ERG: variants seen among roughly 807,000 people sequenced by gnomAD.
ERG encodes the protein ETS transcription factor ERG.
A neutral mutation model predicts 55.3 loss-of-function variants in ERG; 9 were observed. The ratio of observed to expected loss-of-function variants is 0.16; its 90% confidence interval spans 0.10 to 0.28. ERG has a LOEUF of 0.28. ERG is among the 10% of genes least tolerant of loss of function. ERG has a pLI of 1.00. For synonymous variants in ERG, 223 were observed against 237.3 expected, an observed-to-expected ratio of 0.94 and a Z score of 0.55; for missense variants, 434 against 631.6, an observed-to-expected ratio of 0.69 and a Z score of 3.35.
rs1315662909 is a variant in ERG at position 38,503,786 on chromosome 21, G to A, written c.-41+71876C>T. 2.0e-5 allele frequency among the ~76,000 whole-genome samples: 3 copies of A among 152,152 alleles called. No homozygotes were observed. The East Asian group carries it at 5.8e-4, about 29-fold the overall frequency. On this transcript the variant is annotated intron_variant, in intron 2 of 8. Coordinates refer to the ERG transcript ENST00000398897. ...GCCTGAGATTGTAGATAAGAATCAA[G>A]CATCTGGGGCTGCCGCACAATGGAA...
chr21:38,621,851 G>A (rs1391186829), intron 1 of ERG, among the ~76,000 whole-genome samples: 1 of 152,180 alleles, frequency 6.6e-6, no homozygotes, highest in Non-Finnish European at 1.5e-5. Context: ...GCTCCCCTGA[G>A]TCCCCACTCA....
chr21:38,573,524 G>T lies in ERG; in HGVS notation c.-41+2138C>A, dbSNP rs372925871. 2.8e-4 allele frequency among the ~76,000 whole-genome samples: 43 copies of T among 152,356 alleles called. No individual in the cohort carries two copies. The South Asian group carries it at 8.9e-3, about 32-fold the overall frequency. ...TTGTTATTCTTTACTCCGCTGAGAT[G>T]TTTGGGTGGAGAGAAACATACATCT... On this transcript the variant is annotated intron_variant, in intron 2 of 8. Coordinates refer to the ERG transcript ENST00000398897.
At chr21:38,579,844 G>A (rs538803197) in intron 1 of ERG, among the ~76,000 whole-genome samples, 12 of 147,024 alleles carry the variant, frequency 8.2e-5, no homozygotes, top group Non-Finnish European at 1.5e-4. Flanking sequence ...TTTTTGAGAC[G>A]GAGTCTCTCT....
At chr21:38,384,706 T>C (rs1361274552) in intron 9 of ERG, among the ~76,000 whole-genome samples, 1 of 152,078 alleles carries the variant, frequency 6.6e-6, no homozygotes, top group African/African-American at 2.4e-5. Context: ...TAAAAGTTTA[T>C]GGAAAAAAAT....
intron 1 of ERG, among the ~76,000 whole-genome samples, chr21:38,660,846 C>A (rs888931980): frequency 1.3e-5 from 2 of 150,728 alleles, no homozygotes; most frequent in East Asian, 2.0e-4. Context: ...CGGGAGTCTT[C>A]GAGTGCGCGC....
chr21:38,605,234 G>A (rs997975903), intron 1 of ERG, among the ~76,000 whole-genome samples: 3 of 152,136 alleles, frequency 2.0e-5, no homozygotes, highest in Non-Finnish European at 4.4e-5. Context: ...TGATCTTGGA[G>A]TGGCACAGTA....
intron 6 of ERG, among the ~76,000 whole-genome samples, chr21:38,395,731 C>T (rs1322855969): frequency 1.3e-5 from 2 of 152,158 alleles, no homozygotes; most frequent in African/African-American, 2.4e-5. Context: ...GCAACTGTGT[C>T]GATTTCCTGG....
At chr21:38,624,655 G>A (rs545773401) in intron 1 of ERG, among the ~76,000 whole-genome samples, 4 of 152,190 alleles carry the variant, frequency 2.6e-5, no homozygotes, top group African/African-American at 7.2e-5. Flanking sequence ...TCTCAGCACC[G>A]CTCACTGGCT....
rs1279517694 is a variant in ERG, at chr21:38,628,573, G to C, written c.-150+33085C>G. ...ACAGCTACTGCGTGGAGAAAAGAGA[G>C]AGCTGGCTGCAGTCCCCCTCCTGGG... On this transcript the variant is annotated intron_variant, in intron 1 of 10. Transcript: ENST00000398910. Among the ~76,000 whole-genome samples, 9 of 152,202 alleles carry C rather than the reference G, an allele frequency of 5.9e-5. No individual in the cohort carries two copies. In the South Asian group the frequency reaches 1.9e-3, roughly 32 times the overall value.
chr21:38,506,169 T>C (rs2059459426), intron 2 of ERG, among the ~76,000 whole-genome samples: 1 of 152,204 alleles, frequency 6.6e-6, no homozygotes, highest in Non-Finnish European at 1.5e-5. Flanking sequence ...ATTGTATAAT[T>C]GTTTTATGCC....
intron 2 of ERG, among the ~76,000 whole-genome samples, chr21:38,434,561 A>AC: frequency 6.6e-6 from 1 of 152,336 alleles, no homozygotes; most frequent in African/African-American, 2.4e-5. Flanking sequence ...TTATGAATGA[A>AC]TCTTCCATTT....
At chr21:38,450,783 C>A in intron 1 of ERG, 4 of 403,436 alleles carry the variant, frequency 9.9e-6, no homozygotes, top group Non-Finnish European at 2.0e-5. Flanking sequence ...AGGTATCAGG[C>A]AGCATTTCTT....
upstream of ERG, chr21:38,661,708 C>G (rs1310252186): frequency 2.0e-5 from 3 of 152,286 alleles, no homozygotes; most frequent in Admixed American, 2.0e-4. Flanking sequence ...TCACGACCGT[C>G]CCGGAGCGAT....
At chr21:38,603,159 T>A (rs1296702777) in intron 1 of ERG, among the ~76,000 whole-genome samples, 1 of 151,996 alleles carries the variant, frequency 6.6e-6, no homozygotes, top group African/African-American at 2.4e-5. Context: ...CAAGAACTTG[T>A]CTTTAGACCC....
chr21:38,522,646 C>T (rs1057026439), intron 2 of ERG, among the ~76,000 whole-genome samples: 1 of 152,122 alleles, frequency 6.6e-6, no homozygotes, highest in African/African-American at 2.4e-5. Context: ...TTTAATCAAG[C>T]AAATATATTT....
intron 1 of ERG, among the ~76,000 whole-genome samples, chr21:38,649,915 G>T (rs2060478712): frequency 1.3e-5 from 2 of 152,288 alleles, no homozygotes; most frequent in South Asian, 4.1e-4. Flanking sequence ...TGCTAGACGC[G>T]AGAACACACA....
chr21:38,597,846 C>T (rs2060141583), intron 1 of ERG, among the ~76,000 whole-genome samples: 1 of 152,154 alleles, frequency 6.6e-6, no homozygotes, highest in Non-Finnish European at 1.5e-5. Context: ...ATTATAAAAT[C>T]ATATAATTTA....
At chr21:38,532,001 T>C (rs2059675711) in intron 2 of ERG, among the ~76,000 whole-genome samples, 1 of 152,208 alleles carries the variant, frequency 6.6e-6, no homozygotes, top group Admixed American at 6.5e-5. Context: ...AAAAATATTA[T>C]TATATTTTGC....
In ERG at chr21:38,382,442, C is replaced by T. The variant is rs2146408435; in HGVS notation, c.*961G>A. On this transcript the variant is annotated 3_prime_UTR_variant, in exon 10 of 10. Coordinates refer to ENST00000288319, the MANE Select transcript of ERG (RefSeq NM_182918.4). ...TGTTTCTCTTAAATATCAGACAATT[C>T]CAGTTAAAATTTTCATTTGACAAAC... The T allele has an allele frequency of 9.4e-7, 1 of 1,062,190 alleles. No homozygotes were observed. The allele number at this position is 1,062,190 out of a possible 1,614,324, so 65.8% of individuals were successfully genotyped here. A position where few individuals can be genotyped will look rare whatever the true frequency, so the allele number is the denominator to read the frequency against.
Sources: gnomAD v4.1 joint callset for allele counts (sites outside exome capture counted in the v4.1 genomes callset) on GRCh38, gnomAD v4.1.1 for gene constraint, MANE v1.5 for transcripts, NCBI Gene and HGNC (gene_info 2026-07-23, HGNC 2026-07-21) for gene names.